LINGO2: variants seen among roughly 807,000 people sequenced by gnomAD.
LINGO2 encodes the protein leucine rich repeat and Ig domain containing 2, also known as leucine-rich repeat and immunoglobulin-like domain-containing nogo receptor-interacting protein 2.
Under a neutral mutation model 30.6 loss-of-function variants are expected in LINGO2, and 14 were observed. That is an observed-to-expected ratio of 0.46 (90% CI 0.30 to 0.72). LINGO2 has a LOEUF of 0.72. LINGO2 is among the 30% of genes least tolerant of loss of function. The pLI is 0.07. For synonymous variants in LINGO2, 317 were observed against 288.5 expected, an observed-to-expected ratio of 1.10 and a Z score of -1.00; for missense variants, 729 against 751.7, an observed-to-expected ratio of 0.97 and a Z score of 0.35.
At chr9:28,529,722 A>G (rs1821160180) in intron 1 of LINGO2, among the ~76,000 whole-genome samples, 1 of 151,786 alleles carries the variant, frequency 6.6e-6, no homozygotes, top group African/African-American at 2.4e-5. Context: ...GAAAAGTTAC[A>G]TAAATACAAA....
At chr9:27,986,562 T>C (rs1821134112) in intron 5 of LINGO2, among the ~76,000 whole-genome samples, 2 of 151,878 alleles carry the variant, frequency 1.3e-5, no homozygotes, top group East Asian at 3.9e-4. Context: ...GGGTCTATGT[T>C]AGGAAAAACT....
intron 3 of LINGO2, among the ~76,000 whole-genome samples, chr9:28,331,705 C>T (rs1190364144): frequency 6.6e-6 from 1 of 152,108 alleles, no homozygotes; most frequent in Non-Finnish European, 1.5e-5. Context: ...AGAGTTTCAC[C>T]ATGTTGCCCA....
intron 5 of LINGO2, among the ~76,000 whole-genome samples, chr9:28,004,173 A>G (rs192550255): frequency 1.3e-5 from 2 of 152,204 alleles, no homozygotes; most frequent in South Asian, 2.1e-4. Context: ...GTTTGTATTA[A>G]AAATGAAGTA....
intron 4 of LINGO2, among the ~76,000 whole-genome samples, chr9:28,042,724 C>G (rs540120258): frequency 6.6e-6 from 1 of 152,156 alleles, no homozygotes; most frequent in Non-Finnish European, 1.5e-5. Flanking sequence ...TTGCTTCATT[C>G]ATGTTCTGCA....
At chr9:28,413,150 C>G (rs1158838239) in intron 2 of LINGO2, among the ~76,000 whole-genome samples, 1 of 152,010 alleles carries the variant, frequency 6.6e-6, no homozygotes, top group African/African-American at 2.4e-5. Context: ...TTCCAGATAA[C>G]AGTGGGCTAT....
At chr9:27,999,090 A>C (rs1003525793) in intron 5 of LINGO2, among the ~76,000 whole-genome samples, 1 of 152,114 alleles carries the variant, frequency 6.6e-6, no homozygotes, top group African/African-American at 2.4e-5. Context: ...TATAGACCCT[A>C]AACTAAAATA....
At chr9:28,295,843 A>C (rs142501875) in intron 3 of LINGO2, among the ~76,000 whole-genome samples, 1 of 152,304 alleles carries the variant, frequency 6.6e-6, no homozygotes, top group East Asian at 1.9e-4. Flanking sequence ...TGCTCCAGTC[A>C]ATGTGAACAT....
intron 1 of LINGO2, among the ~76,000 whole-genome samples, chr9:28,546,718 A>G (rs1821969172): frequency 6.6e-6 from 1 of 152,032 alleles, no homozygotes. Context: ...GGAGCAGGAG[A>G]AAGAAGGGCA....
chr9:28,158,553 C>T (rs1357168572), intron 4 of LINGO2, among the ~76,000 whole-genome samples: 1 of 152,138 alleles, frequency 6.6e-6, no homozygotes, highest in Non-Finnish European at 1.5e-5. Context: ...TCAGAGTGTC[C>T]CCTCCTCTCT....
intron 1 of LINGO2, among the ~76,000 whole-genome samples, chr9:28,492,870 CG>C (rs1295802159): frequency 1.3e-5 from 2 of 152,070 alleles, no homozygotes; most frequent in African/African-American, 4.8e-5. Flanking sequence ...GTGAGGGGAG[CG>C]GGCGGGTGGA....
At chr9:28,921,900 T>C in the LINGO2 span, among the ~76,000 whole-genome samples, 1 of 152,208 alleles carries the variant, frequency 6.6e-6, no homozygotes, top group Non-Finnish European at 1.5e-5. Flanking sequence ...TCCTGGATTC[T>C]TCCCTGAGGT....
At chr9:28,908,736 CT>C in the LINGO2 span, among the ~76,000 whole-genome samples, 1 of 151,728 alleles carries the variant, frequency 6.6e-6, no homozygotes, top group African/African-American at 2.4e-5. Context: ...TAAGTTTTTT[CT>C]GTAACAAATG....
intron 1 of LINGO2, among the ~76,000 whole-genome samples, chr9:28,602,796 A>C (rs1431298896): frequency 2.0e-5 from 3 of 152,098 alleles, no homozygotes; most frequent in African/African-American, 7.2e-5. Flanking sequence ...CAATTTAAAA[A>C]CAAGCCCTAA....
In LINGO2 at chr9:27,970,096, G is replaced by T. The variant is rs1259894474; in HGVS notation, c.-35-19390C>A. 3.9e-5 allele frequency among the ~76,000 whole-genome samples: 6 copies of T among 152,174 alleles called. No homozygotes were observed. In the East Asian group the frequency reaches 1.2e-3, roughly 29 times the overall value. ...ATCCAAGGTGAAAGTGGGTACATTTGTATCTGCTCTGTAATCTAGGTTTTC... is the reference window on the plus strand; with the variant it reads ...ATCCAAGGTGAAAGTGGGTACATTTTTATCTGCTCTGTAATCTAGGTTTTC... On this transcript the variant is annotated intron_variant, in intron 5 of 5. Transcript: ENST00000379992.
chr9:28,751,100 A>G, the LINGO2 span, among the ~76,000 whole-genome samples: 3 of 151,758 alleles, frequency 2.0e-5, no homozygotes. Flanking sequence ...TCCAATCTCT[A>G]CAAAAATAAA....
intron 4 of LINGO2, among the ~76,000 whole-genome samples, chr9:28,061,565 T>TA (rs896124731): frequency 1.8e-4 from 27 of 151,824 alleles, no homozygotes; most frequent in Non-Finnish European, 2.8e-4. Context: ...TCCATAAAAA[T>TA]AAAAAAAGTA....
At position 28,147,596 on chromosome 9, in the gene LINGO2, G is replaced by A. The variant is rs1357647972; in HGVS notation, c.-86-135191C>T. ...TCTGGCCCTGTAACCCGGGGGACAG[G>A]GCCGGCCAAGACAGGGCCACTGGGT... On this transcript the variant is annotated intron_variant, in intron 4 of 5. Transcript: ENST00000379992. This position sits in a 1 kb window ranked among gnomAD's most constrained non-coding sequence, Gnocchi z 4.7. Among the ~76,000 whole-genome samples the A allele has an allele frequency of 1.3e-5, 2 of 152,106 alleles. No individual in the cohort carries two copies. The highest frequency in any genetic ancestry group is 2.1e-4 in the South Asian group (1 of 4,820).
At chr9:28,348,800 C>A (rs1263468857) in intron 3 of LINGO2, among the ~76,000 whole-genome samples, 3 of 152,032 alleles carry the variant, frequency 2.0e-5, no homozygotes. Flanking sequence ...AGCTGGAGAT[C>A]TGAGAACGGG....
chr9:28,860,334 G>A, the LINGO2 span, among the ~76,000 whole-genome samples: 1 of 152,048 alleles, frequency 6.6e-6, no homozygotes, highest in African/African-American at 2.4e-5. Flanking sequence ...AAATAAAACA[G>A]ATTTCCCTCT....
Sources: allele counts gnomAD v4.1 joint callset (sites outside exome capture counted in the v4.1 genomes callset), GRCh38; gene constraint gnomAD v4.1.1; non-coding constraint Gnocchi (gnomAD v3.1); transcripts MANE v1.5; gene names NCBI Gene and HGNC (gene_info 2026-07-23, HGNC 2026-07-21).